The following DRD3 variants were observed in gnomAD, a reference collection of about 807,000 sequenced individuals.
DRD3 encodes dopamine receptor D3.
A neutral mutation model predicts 36.3 loss-of-function variants in DRD3; 19 were observed. The observed-to-expected ratio is 0.52, with a 90% CI of 0.36 to 0.77. The LOEUF (loss-of-function observed/expected upper bound fraction) is 0.77, where lower values mean the gene tolerates loss of function less well. Among genes scored for constraint, DRD3 ranks in the 30% least tolerant of loss-of-function variants. The probability of loss-of-function intolerance (pLI) is 0.00; values close to 1 mark genes in which losing one functional copy is unlikely to be tolerated. For missense variants in DRD3, 465 were observed against 505.3 expected, an observed-to-expected ratio of 0.92 and a Z score of 0.77; for synonymous variants, 195 against 203.7, an observed-to-expected ratio of 0.96 and a Z score of 0.36.
chr3:114,140,721 T>C (rs529497473), intron 4 of DRD3, among the ~76,000 whole-genome samples: 1 of 152,318 alleles, frequency 6.6e-6, no homozygotes, highest in Admixed American at 6.5e-5. Flanking sequence ...TCTATAATTT[T>C]AACTCCCCAT....
intron 2 of DRD3, among the ~76,000 whole-genome samples, chr3:114,164,515 C>T (rs1361861034): frequency 2.0e-5 from 3 of 152,050 alleles, no homozygotes; most frequent in Admixed American, 1.3e-4. Flanking sequence ...CAGCATTTCC[C>T]AAATCTCCAG....
At chr3:114,153,669 T>G (rs1475693359) in intron 3 of DRD3, among the ~76,000 whole-genome samples, 1 of 152,186 alleles carries the variant, frequency 6.6e-6, no homozygotes, top group African/African-American at 2.4e-5. Flanking sequence ...GCAGTGTGAC[T>G]CTATAGCTAG....
At chr3:114,156,743 T>TTCTTTCTTTCTTTTTC (rs1286313199) in intron 3 of DRD3, among the ~76,000 whole-genome samples, 2 of 20,768 alleles carry the variant, frequency 9.6e-5, no homozygotes, top group African/African-American at 1.9e-4. Flanking sequence ...CTTTCTTTCT[T>TTCTTTCTTTCTTTTTC]TTTCTTTCTT....
chr3:114,180,247 G>C (rs2077939435), upstream of DRD3, among the ~76,000 whole-genome samples: 1 of 151,972 alleles, frequency 6.6e-6, no homozygotes, highest in African/African-American at 2.4e-5. Flanking sequence ...AAATCATTCT[G>C]TAAATTATAT....
chr3:114,197,191 A>T (rs1037568979), intron 1 of DRD3, among the ~76,000 whole-genome samples: 10 of 149,916 alleles, frequency 6.7e-5, no homozygotes, highest in African/African-American at 2.5e-4. Flanking sequence ...AACTCACTGT[A>T]ACTTCAAACT....
intron 5 of DRD3, among the ~76,000 whole-genome samples, 197 bp from the exon 6 acceptor site, chr3:114,131,597 A>T (rs2077431651): frequency 6.6e-6 from 1 of 152,234 alleles, no homozygotes; most frequent in Admixed American, 6.5e-5. Context: ...TTTACAACTA[A>T]AAAGCACCCA....
chr3:114,168,556 GCTCTCT>G (rs150328361), intron 2 of DRD3, among the ~76,000 whole-genome samples: 2 of 147,734 alleles, frequency 1.4e-5, no homozygotes, highest in African/African-American at 2.5e-5. Context: ...GAAAGTGCAT[GCTCTCT>G]CTCTCTCTCT....
At chr3:114,194,444 G>A (rs943370510) in intron 1 of DRD3, among the ~76,000 whole-genome samples, 3 of 152,098 alleles carry the variant, frequency 2.0e-5, no homozygotes, top group Admixed American at 1.3e-4. Context: ...CACCATGCCC[G>A]GCTAATTTTT....
rs567521525 is a variant in DRD3, at chr3:114,196,671, T to C, written c.-156+2602A>G. On this transcript the variant is annotated intron_variant, in intron 1 of 7. Transcript: ENST00000460779. The stretch of plus-strand genomic sequence containing the variant: ...TGGCCAGTCATTTAAATTTTAGTCA[T>C]ACTAATAGATATGACCTGAGGTCTA... Among the ~76,000 whole-genome samples, 3 of 152,384 alleles carry C rather than the reference T, an allele frequency of 2.0e-5. No individual in the cohort carries two copies. In the East Asian group the frequency reaches 5.8e-4, roughly 29 times the overall value.
chr3:114,159,691 C>T (rs1005037577), intron 3 of DRD3, 64 bp downstream of exon 3: 6 of 1,387,546 alleles, frequency 4.3e-6, no homozygotes, highest in African/African-American at 4.3e-5. Flanking sequence ...CCCTCAAGTG[C>T]ACAATCTGTC....
At chr3:114,137,368 C>A (rs2077483605) in intron 5 of DRD3, among the ~76,000 whole-genome samples, 1 of 152,206 alleles carries the variant, frequency 6.6e-6, no homozygotes, top group Non-Finnish European at 1.5e-5. Context: ...CTAGCCATGT[C>A]ATTGATAGCC....
At chr3:114,152,706 GA>G (rs1008565878) in intron 3 of DRD3, among the ~76,000 whole-genome samples, 5 of 152,200 alleles carry the variant, frequency 3.3e-5, no homozygotes, top group Non-Finnish European at 5.9e-5. Flanking sequence ...GGCAGAGAGG[GA>G]AAGCCCGGCG....
At chr3:114,158,801 A>C (rs983041245) in intron 3 of DRD3, among the ~76,000 whole-genome samples, 1 of 152,166 alleles carries the variant, frequency 6.6e-6, no homozygotes, top group African/African-American at 2.4e-5. Context: ...CACCTGTTGG[A>C]GCTATGAGGT....
chr3:114,134,402 T>G (rs2077457736), intron 5 of DRD3, among the ~76,000 whole-genome samples: 1 of 151,626 alleles, frequency 6.6e-6, no homozygotes, highest in South Asian at 2.1e-4. Flanking sequence ...CCAGCCAATT[T>G]AAGTTTTTAA....
At chr3:114,156,912 T>TTTCC (rs200935636) in intron 3 of DRD3, among the ~76,000 whole-genome samples, 10 of 147,940 alleles carry the variant, frequency 6.8e-5, no homozygotes, top group African/African-American at 2.0e-4. Flanking sequence ...TCCTTCCTTC[T>TTTCC]TTCCTTCCTT....
chr3:114,188,077 T>G (rs1478250963), intron 1 of DRD3, among the ~76,000 whole-genome samples: 1 of 152,178 alleles, frequency 6.6e-6, no homozygotes, highest in East Asian at 1.9e-4. Flanking sequence ...TTATTTCGGC[T>G]GGGGCTTTGG....
intron 3 of DRD3, among the ~76,000 whole-genome samples, chr3:114,152,333 C>T (rs148795837): frequency 2.3e-4 from 35 of 152,274 alleles, no homozygotes; most frequent in Middle Eastern, 3.4e-3. Flanking sequence ...GCTTAGCTCC[C>T]ACATATCAGT....
intron 1 of DRD3, among the ~76,000 whole-genome samples, chr3:114,184,130 C>A (rs1463795526): frequency 6.6e-6 from 1 of 151,818 alleles, no homozygotes; most frequent in African/African-American, 2.4e-5. Flanking sequence ...TGTTTATATT[C>A]CTTAACTATT....
chr3:114,183,021 T>G (rs1209949841), upstream of DRD3, among the ~76,000 whole-genome samples: 4 of 152,230 alleles, frequency 2.6e-5, no homozygotes, highest in African/African-American at 4.8e-5. Context: ...GAAATGGAAT[T>G]GCTGGTTCAT....
Sources: allele counts gnomAD v4.1 joint callset (sites outside exome capture counted in the v4.1 genomes callset), GRCh38; gene constraint gnomAD v4.1.1; transcripts MANE v1.5; gene names NCBI Gene and HGNC (gene_info 2026-07-23, HGNC 2026-07-21).